KCNQ4: variants seen among roughly 807,000 people sequenced by gnomAD.
KCNQ4 encodes potassium voltage-gated channel subfamily KQT member 4.
A neutral mutation model predicts 72.6 loss-of-function variants in KCNQ4; 31 were observed. The observed-to-expected ratio is 0.43, with a 90% CI of 0.32 to 0.58. The LOEUF (loss-of-function observed/expected upper bound fraction) is 0.58. KCNQ4 is among the 20% of genes least tolerant of loss of function. The pLI is 0.08. For missense variants in KCNQ4, 869 were observed against 962.6 expected, an observed-to-expected ratio of 0.90 and a Z score of 1.29; for synonymous variants, 405 against 403.7, an observed-to-expected ratio of 1.00 and a Z score of -0.04.
chr1:40,829,837 G>A (rs932268416), intron 9 of KCNQ4, among the ~76,000 whole-genome samples: 1 of 152,166 alleles, frequency 6.6e-6, no homozygotes, highest in Admixed American at 6.5e-5. Flanking sequence ...AGGCAGCGAT[G>A]ACGTCACAGG....
intron 1 of KCNQ4, among the ~76,000 whole-genome samples, chr1:40,803,125 A>T (rs1647636778): frequency 6.6e-6 from 1 of 152,182 alleles, no homozygotes; most frequent in African/African-American, 2.4e-5. Flanking sequence ...AGGTCCCTCT[A>T]AACTTTCCAT....
chr1:40,802,247 GC>G lies in KCNQ4; in HGVS notation c.315-15017del, dbSNP rs1647595897. On this transcript the variant is annotated intron_variant, in intron 1 of 13. Transcript: ENST00000347132. Reference sequence around the variant, plus strand: ...TAGGATGGTGCTGTGAGGTGGAAGGGCGAGGCCGAGGCGGCGGTGGCGTCGC... The same window carrying G: ...TAGGATGGTGCTGTGAGGTGGAAGGGGAGGCCGAGGCGGCGGTGGCGTCGC... 5.3e-5 allele frequency among the ~76,000 whole-genome samples: 8 copies of G among 152,136 alleles called. No homozygotes were observed. In the South Asian group the frequency reaches 1.7e-3, roughly 32 times the overall value.
rs1647185603 is a variant in KCNQ4 at position 40,784,599 on chromosome 1, T to G, written c.314+192T>G. 6.6e-6 allele frequency among the ~76,000 whole-genome samples: 1 copy of G among 152,042 alleles called. No individual in the cohort carries two copies. Among genetic ancestry groups the G allele is most frequent in the African/African-American group, 2.4e-5 (1 of 41,412 alleles). The stretch of plus-strand genomic sequence containing the variant: ...ACCCTAAGCCCTGATCTCCCAGGCC[T>G]GACCCCTGCTTGACCTCGCTTCTGA... On this transcript the variant is annotated intron_variant, in intron 1 of 13. Coordinates refer to ENST00000347132, the MANE Select transcript of KCNQ4 (RefSeq NM_004700.4). The surrounding 1 kb of genome is among the most constrained non-coding windows in gnomAD (Gnocchi z 4.1).
intron 1 of KCNQ4, among the ~76,000 whole-genome samples, chr1:40,796,949 A>AATAC (rs1553165924): frequency 2.1e-5 from 3 of 140,722 alleles, no homozygotes; most frequent in African/African-American, 7.7e-5. Flanking sequence ...TAAATAAATA[A>AATAC]ATACAGTTCA....
intron 1 of KCNQ4, among the ~76,000 whole-genome samples, chr1:40,806,877 A>G (rs1003780601): frequency 6.6e-6 from 1 of 152,072 alleles, no homozygotes; most frequent in Non-Finnish European, 1.5e-5. Flanking sequence ...GCTCAGCCCA[A>G]CCTATGGGTG....
chr1:40,797,374 C>T (rs1002350857), intron 1 of KCNQ4, among the ~76,000 whole-genome samples: 5 of 152,216 alleles, frequency 3.3e-5, no homozygotes, highest in African/African-American at 1.2e-4. Flanking sequence ...GAGAATAGCA[C>T]AGGCAGAGAC....
intron 1 of KCNQ4, among the ~76,000 whole-genome samples, chr1:40,814,374 A>G (rs1448651996): frequency 6.6e-6 from 1 of 152,140 alleles, no homozygotes; most frequent in Non-Finnish European, 1.5e-5. Context: ...ATTTTATATT[A>G]GTTTGTTATT....
intron 1 of KCNQ4, among the ~76,000 whole-genome samples, chr1:40,809,793 G>A (rs1032704569): frequency 2.6e-5 from 4 of 152,140 alleles, no homozygotes; most frequent in South Asian, 2.1e-4. Context: ...GGCCAGGTGC[G>A]GTGGCTCACG....
Position 40,834,960 on chromosome 1 carries a change from C to G in KCNQ4, c.1614-7C>G, listed in dbSNP as rs776451393. 1.9e-6 allele frequency: 3 copies of G among 1,613,192 alleles called. No individual in the cohort carries two copies. The highest frequency in any genetic ancestry group is 3.3e-5 in the Admixed American group (2 of 59,974). ...GGACACTCCCTCTGAGCCCCCTCCC[C>G]CAACAGGATTCTCAAGTTCCTGGTG... On this transcript the variant is annotated splice_polypyrimidine_tract_variant and splice_region_variant and intron_variant, in intron 11 of 13. Coordinates refer to ENST00000347132, the MANE Select transcript of KCNQ4 (RefSeq NM_004700.4).
chr1:40,819,851 C>A, intron 5 of KCNQ4, 24 bp from the exon 6 acceptor site: 2 of 1,572,316 alleles, frequency 1.3e-6, no homozygotes, highest in South Asian at 1.1e-5. Flanking sequence ...ACCAGTCCTG[C>A]CTGTAACCTG....
rs1384933726 is a variant in KCNQ4 at position 40,784,468 on chromosome 1, C to A, written c.314+61C>A. On this transcript the variant is annotated intron_variant, in intron 1 of 13. Coordinates refer to ENST00000347132, the MANE Select transcript of KCNQ4 (RefSeq NM_004700.4). The surrounding 1 kb of genome is among the most constrained non-coding windows in gnomAD (Gnocchi z 4.1). ...CGCGCAAGCCTGGCCTCCCGGGGCA[C>A]GGCCGCCCCGCCCTGGCTCCGCCTT... The A allele has an allele frequency of 1.5e-5, 22 of 1,508,462 alleles. No individual in the cohort carries two copies. The highest frequency in any genetic ancestry group is 1.7e-4 in the Middle Eastern group (1 of 5,822). 93.4% of individuals were successfully genotyped at this position (1,508,462 alleles called of 1,614,324 possible). A position where few individuals can be genotyped will look rare whatever the true frequency, so the allele number is the denominator to read the frequency against.
intron 1 of KCNQ4, among the ~76,000 whole-genome samples, chr1:40,790,451 TG>T (rs1441186339): frequency 1.3e-5 from 2 of 152,142 alleles, no homozygotes; most frequent in Non-Finnish European, 2.9e-5. Flanking sequence ...TATGTCTGCC[TG>T]TGTCCTGGGG....
At chr1:40,789,180 C>T (rs186509021) in intron 1 of KCNQ4, among the ~76,000 whole-genome samples, 1 of 152,242 alleles carries the variant, frequency 6.6e-6, no homozygotes, top group African/African-American at 2.4e-5. Flanking sequence ...CGTAGAACTT[C>T]GCTGGCGTTT....
rs531809740 is a variant in KCNQ4 at position 40,817,031 on chromosome 1, C to T, written c.315-234C>T. On this transcript the variant is annotated intron_variant, in intron 1 of 13. Coordinates refer to ENST00000347132, the MANE Select transcript of KCNQ4 (RefSeq NM_004700.4). The surrounding 1 kb of genome is among the most constrained non-coding windows in gnomAD (Gnocchi z 5.5). ...GAGTGACTACCTCTCTGAGCTGCAG[C>T]CTGCAGCAGGGGGCAATTGAGATAG... 1.3e-5 allele frequency among the ~76,000 whole-genome samples: 2 copies of T among 152,362 alleles called. No homozygotes were observed. Among genetic ancestry groups the T allele is most frequent in the African/African-American group, 2.4e-5 (1 of 41,588 alleles).
intron 1 of KCNQ4, among the ~76,000 whole-genome samples, chr1:40,814,634 G>T (rs1193185524): frequency 6.6e-6 from 1 of 152,030 alleles, no homozygotes; most frequent in Non-Finnish European, 1.5e-5. Context: ...AGCTCAGGAG[G>T]TCAAGGCTAC....
chr1:40,837,582 C>T, intron 12 of KCNQ4, 83 bp from the exon 13 acceptor site: 1 of 1,529,194 alleles, frequency 6.5e-7, no homozygotes, highest in Non-Finnish European at 8.8e-7. Context: ...GTGGTGCCTT[C>T]TCCTTCATCA....
chr1:40,812,686 G>A (rs922710360), intron 1 of KCNQ4, among the ~76,000 whole-genome samples: 2 of 152,182 alleles, frequency 1.3e-5, no homozygotes, highest in Admixed American at 6.5e-5. Context: ...TTTAAGCAGC[G>A]TCCGCCAAAT....
chr1:40,838,222 G>C (rs1648865245), intron 13 of KCNQ4, 89 bp from the exon 14 acceptor site: 1 of 1,132,762 alleles, frequency 8.8e-7, no homozygotes. Flanking sequence ...CACTCCACCG[G>C]CTAGGGTCCG....
intron 1 of KCNQ4, among the ~76,000 whole-genome samples, chr1:40,802,334 C>A (rs1647604203): frequency 6.6e-6 from 1 of 152,120 alleles, no homozygotes; most frequent in Non-Finnish European, 1.5e-5. Context: ...TTCCGCTTGG[C>A]CCGCTGCTCG....
Sources: gnomAD v4.1 joint callset for allele counts (sites outside exome capture counted in the v4.1 genomes callset) on GRCh38, gnomAD v4.1.1 for gene constraint, Gnocchi (gnomAD v3.1) non-coding constraint, MANE v1.5 for transcripts, NCBI Gene and HGNC (gene_info 2026-07-23, HGNC 2026-07-21) for gene names.